The following ACTR3C variants were observed in gnomAD, a reference collection of about 807,000 sequenced individuals.
ACTR3C encodes the protein actin related protein 3C.
Under a neutral mutation model 26.3 loss-of-function variants are expected in ACTR3C, and 18 were observed. That is an observed-to-expected ratio of 0.68 (90% CI 0.47 to 1.01). The LOEUF (loss-of-function observed/expected upper bound fraction) is 1.01, where lower values mean the gene tolerates loss of function less well. ACTR3C is among the 50% of genes least tolerant of loss of function. ACTR3C has a pLI of 0.00. For synonymous variants in ACTR3C, 55 were observed against 94.5 expected, an observed-to-expected ratio of 0.58 and a Z score of 2.42; for missense variants, 184 against 250.7, an observed-to-expected ratio of 0.73 and a Z score of 1.80.
rs1832526144 is a variant in ACTR3C at position 150,247,400 on chromosome 7, T to C, written c.*208A>G. On this transcript the variant is annotated 3_prime_UTR_variant, in exon 8 of 8. Transcript: ENST00000683684. Reference sequence around the variant, plus strand: ...TTGCTGCTGCCCCACGTAGTAAGGATGCAACAGTTTGTGGTTCTCTAGAGA... The same window carrying C: ...TTGCTGCTGCCCCACGTAGTAAGGACGCAACAGTTTGTGGTTCTCTAGAGA... 6.6e-6 allele frequency: 1 copy of C among 150,730 alleles called. No individual in the cohort carries two copies. Among genetic ancestry groups the C allele is most frequent in the South Asian group, 2.1e-4 (1 of 4,718 alleles). 9.3% of individuals were successfully genotyped at this position (150,730 alleles called of 1,614,324 possible). A position where few individuals can be genotyped will look rare whatever the true frequency, so the allele number is the denominator to read the frequency against.
At chr7:150,165,549 T>C in the ACTR3C span, among the ~76,000 whole-genome samples, 33 of 152,034 alleles carry the variant, frequency 2.2e-4, no homozygotes, top group African/African-American at 7.3e-4. Context: ...CATCTTGCAA[T>C]TTCTTTTTTC....
chr7:149,895,536 A>T, the ACTR3C span, among the ~76,000 whole-genome samples: 1 of 152,218 alleles, frequency 6.6e-6, no homozygotes, highest in East Asian at 1.9e-4. Flanking sequence ...ATTTAAAAAA[A>T]TAAAATCAGA....
At chr7:150,265,276 T>A (rs1327478392) in intron 6 of ACTR3C, among the ~76,000 whole-genome samples, 4 of 151,430 alleles carry the variant, frequency 2.6e-5, no homozygotes, top group South Asian at 2.1e-4. Flanking sequence ...AACAACCTAG[T>A]TTTTTTAAAT....
At chr7:150,132,558 C>T in the ACTR3C span, among the ~76,000 whole-genome samples, 1 of 152,062 alleles carries the variant, frequency 6.6e-6, no homozygotes, top group Non-Finnish European at 1.5e-5. Flanking sequence ...AATGACATAC[C>T]GTCTCATGCA....
the ACTR3C span, among the ~76,000 whole-genome samples, chr7:150,135,599 C>A: frequency 1.3e-5 from 2 of 152,144 alleles, no homozygotes; most frequent in African/African-American, 4.8e-5. Flanking sequence ...CAAGCACATG[C>A]TCTAGATTAT....
the ACTR3C span, among the ~76,000 whole-genome samples, chr7:150,192,311 A>G: frequency 6.6e-6 from 1 of 151,532 alleles, no homozygotes. Flanking sequence ...TTTTTTTTCC[A>G]AGACAGGGTC....
chr7:150,251,037 CCTCT>C (rs1385673855), intron 6 of ACTR3C, among the ~76,000 whole-genome samples: 20 of 152,104 alleles, frequency 1.3e-4, no homozygotes, highest in South Asian at 1.2e-3. Flanking sequence ...GAATGAGGGG[CCTCT>C]CTATTTTTTG....
rs113183889 is a variant in ACTR3C, at chr7:150,285,024, T to G, written c.472-179A>C. 6.7e-3 allele frequency among the ~76,000 whole-genome samples: 1,017 copies of G among 152,318 alleles called. 12 individuals are homozygous for G. Among genetic ancestry groups the G allele is most frequent in the African/African-American group, 0.023 (947 of 41,558 alleles). On this transcript the variant is annotated intron_variant, in intron 5 of 7. Transcript: ENST00000683684. Reference sequence around the variant, plus strand: ...TGACTACGTGTGCGTGGGGTGGTGATGACACATTTCTCCTCATGAGGTAAA... The same window carrying G: ...TGACTACGTGTGCGTGGGGTGGTGAGGACACATTTCTCCTCATGAGGTAAA...
chr7:150,180,952 C>A, the ACTR3C span, among the ~76,000 whole-genome samples: 1 of 151,438 alleles, frequency 6.6e-6, no homozygotes, highest in South Asian at 2.1e-4. Flanking sequence ...TGCAATCCCT[C>A]ATTTACTTAC....
chr7:150,150,395 A>T, the ACTR3C span, among the ~76,000 whole-genome samples: 2 of 152,130 alleles, frequency 1.3e-5, no homozygotes, highest in East Asian at 3.9e-4. Flanking sequence ...GATGGGAGAC[A>T]GGGAGAGAGG....
At chr7:150,072,987 C>A in the ACTR3C span, among the ~76,000 whole-genome samples, 1 of 152,182 alleles carries the variant, frequency 6.6e-6, no homozygotes, top group Non-Finnish European at 1.5e-5. Context: ...CATCTGAAAA[C>A]CACAGCGGAG....
chr7:150,191,953 T>C, the ACTR3C span, among the ~76,000 whole-genome samples: 1 of 152,138 alleles, frequency 6.6e-6, no homozygotes, highest in African/African-American at 2.4e-5. Context: ...TATAATTTAT[T>C]TTCAAATTCA....
chr7:149,908,307 A>T, the ACTR3C span, among the ~76,000 whole-genome samples: 1 of 152,146 alleles, frequency 6.6e-6, no homozygotes. Context: ...ACACTAAGAC[A>T]CTCGTTTCTG....
At chr7:150,071,279 G>A in the ACTR3C span, among the ~76,000 whole-genome samples, 109,262 of 149,744 alleles carry the variant, frequency 0.73, 39,814 homozygotes, top group East Asian at 0.76. Flanking sequence ...GCCCGCCACC[G>A]CGCCCAGCTA....
At chr7:150,193,403 A>AT in the ACTR3C span, among the ~76,000 whole-genome samples, 1 of 125,648 alleles carries the variant, frequency 8.0e-6, no homozygotes, top group Non-Finnish European at 1.7e-5. Context: ...TTGATTTTTT[A>AT]TTTTCTTTTT....
the ACTR3C span, among the ~76,000 whole-genome samples, chr7:149,971,861 C>T: frequency 1.3e-5 from 2 of 152,238 alleles, no homozygotes; most frequent in African/African-American, 2.4e-5. Context: ...ATGGGCTGCG[C>T]CCTGACTGCA....
the ACTR3C span, among the ~76,000 whole-genome samples, chr7:149,967,900 G>A: frequency 6.6e-6 from 1 of 152,048 alleles, no homozygotes; most frequent in Non-Finnish European, 1.5e-5. Flanking sequence ...TCGGGGGGTG[G>A]CGGGTTTTTA....
the ACTR3C span, among the ~76,000 whole-genome samples, chr7:150,179,150 T>A: frequency 6.9e-6 from 1 of 145,700 alleles, no homozygotes; most frequent in East Asian, 1.9e-4. Flanking sequence ...ATTTAATGTC[T>A]ACCAAATAAC....
the ACTR3C span, among the ~76,000 whole-genome samples, chr7:150,101,396 T>C: frequency 6.6e-6 from 1 of 151,722 alleles, no homozygotes; most frequent in Non-Finnish European, 1.5e-5. Flanking sequence ...AGGAAATTAA[T>C]TCTGCATCTG....
Sources: gnomAD v4.1 joint callset for allele counts (sites outside exome capture counted in the v4.1 genomes callset) on GRCh38, gnomAD v4.1.1 for gene constraint, MANE v1.5 for transcripts, NCBI Gene and HGNC (gene_info 2026-07-23, HGNC 2026-07-21) for gene names.